Variants in SGCD observed in about 807,000 individuals in gnomAD.
The protein encoded by SGCD is sarcoglycan delta.
SGCD carries 18 observed loss-of-function variants against 36.6 expected under a neutral mutation model. The ratio of observed to expected loss-of-function variants is 0.49; its 90% confidence interval spans 0.34 to 0.73. The LOEUF (loss-of-function observed/expected upper bound fraction) is 0.73. SGCD is among the 30% of genes least tolerant of loss of function. SGCD has a pLI of 0.01. For synonymous variants in SGCD, 133 were observed against 130.6 expected (o/e 1.02, Z -0.12); for missense variants, 387 against 346.7 (o/e 1.12, Z -0.92).
At chr5:156,631,914 T>G (rs1762651215) in intron 6 of SGCD, among the ~76,000 whole-genome samples, 2 of 152,180 alleles carry the variant, frequency 1.3e-5, no homozygotes, top group African/African-American at 4.8e-5. Flanking sequence ...CATAGAAGCC[T>G]CTACCCTGTG....
chr5:156,650,267 G>A (rs1763411043), intron 7 of SGCD, among the ~76,000 whole-genome samples: 2 of 152,100 alleles, frequency 1.3e-5, no homozygotes, highest in Admixed American at 1.3e-4. Flanking sequence ...TGTGTAGTTG[G>A]TTTATTTACT....
At chr5:156,607,001 T>G (rs559846682) in intron 6 of SGCD, among the ~76,000 whole-genome samples, 2 of 152,316 alleles carry the variant, frequency 1.3e-5, no homozygotes, top group Admixed American at 6.5e-5. Flanking sequence ...ACAGGGACAA[T>G]TTGACTTCCT....
intron 1 of SGCD, among the ~76,000 whole-genome samples, chr5:155,951,751 T>C (rs6556145): frequency 0.21 from 31,549 of 152,110 alleles, 3,812 homozygotes; most frequent in Admixed American, 0.38. Context: ...GGGGTGGTGC[T>C]CTGAACTGAA....
the SGCD span, among the ~76,000 whole-genome samples, chr5:155,832,103 A>T: frequency 6.6e-6 from 1 of 152,220 alleles, no homozygotes; most frequent in Non-Finnish European, 1.5e-5. Context: ...ATCTTAAGAT[A>T]TAGTCAATTC....
chr5:155,793,109 G>A, the SGCD span, among the ~76,000 whole-genome samples: 1 of 152,112 alleles, frequency 6.6e-6, no homozygotes, highest in Non-Finnish European at 1.5e-5. Context: ...GGAAACAACA[G>A]GAATGCAGCT....
At chr5:156,563,266 G>A (rs928851416) in intron 4 of SGCD, among the ~76,000 whole-genome samples, 1 of 152,172 alleles carries the variant, frequency 6.6e-6, no homozygotes, top group Non-Finnish European at 1.5e-5. Flanking sequence ...ACAGGCGTGA[G>A]ACACCATGCC....
At chr5:156,107,759 C>A (rs183752001) in intron 1 of SGCD, among the ~76,000 whole-genome samples, 3 of 151,958 alleles carry the variant, frequency 2.0e-5, no homozygotes, top group African/African-American at 7.2e-5. Context: ...TATTTTCTGC[C>A]GTTTATAGAT....
At chr5:156,626,621 T>C (rs1243268287) in intron 6 of SGCD, among the ~76,000 whole-genome samples, 1 of 152,202 alleles carries the variant, frequency 6.6e-6, no homozygotes, top group Non-Finnish European at 1.5e-5. Flanking sequence ...TTGCCTTTCA[T>C]ATAGGATGGA....
intron 7 of SGCD, among the ~76,000 whole-genome samples, chr5:156,736,337 A>C (rs943797744): frequency 6.6e-6 from 1 of 152,192 alleles, no homozygotes; most frequent in African/African-American, 2.4e-5. Flanking sequence ...TAAACTTGAC[A>C]CATCTTCCTG....
chr5:156,593,223 T>A (rs1760792857), intron 5 of SGCD, among the ~76,000 whole-genome samples: 1 of 152,164 alleles, frequency 6.6e-6, no homozygotes, highest in South Asian at 2.1e-4. Flanking sequence ...ATTCATGTCT[T>A]CTGATTCCTA....
chr5:156,758,094 T>A, intron 8 of SGCD: 1 of 794,438 alleles, frequency 1.3e-6, no homozygotes, highest in Non-Finnish European at 1.5e-6. Flanking sequence ...TGTCACATGT[T>A]TCTGTTTTCA....
intron 3 of SGCD, among the ~76,000 whole-genome samples, chr5:156,402,307 A>C (rs1388526928): frequency 6.6e-6 from 1 of 152,220 alleles, no homozygotes; most frequent in African/African-American, 2.4e-5. Flanking sequence ...GACAGTGAGT[A>C]TGAGACCTTG....
At chr5:155,927,421 A>C (rs1757013559) in intron 1 of SGCD, among the ~76,000 whole-genome samples, 1 of 152,114 alleles carries the variant, frequency 6.6e-6, no homozygotes, top group Non-Finnish European at 1.5e-5. Flanking sequence ...ACCATGGAGA[A>C]CCATCTGGTG....
chr5:155,809,281 G>A, the SGCD span, among the ~76,000 whole-genome samples: 1 of 152,190 alleles, frequency 6.6e-6, no homozygotes, highest in East Asian at 1.9e-4. Context: ...TGGGAAATAA[G>A]AATAACACCT....
At chr5:156,155,699 T>C (rs1181433647) in intron 3 of SGCD, among the ~76,000 whole-genome samples, 1 of 151,322 alleles carries the variant, frequency 6.6e-6, no homozygotes, top group East Asian at 1.9e-4. Flanking sequence ...AGCTGCTCTG[T>C]GTCAGTGGGC....
chr5:156,696,848 T>G (rs1244854738), intron 7 of SGCD, among the ~76,000 whole-genome samples: 2 of 151,914 alleles, frequency 1.3e-5, no homozygotes, highest in African/African-American at 2.4e-5. Context: ...GAGTTAAAAT[T>G]GAAGAATCTG....
intron 4 of SGCD, among the ~76,000 whole-genome samples, chr5:156,545,339 G>A (rs1380334169): frequency 1.3e-5 from 2 of 152,196 alleles, no homozygotes; most frequent in Admixed American, 6.5e-5. Context: ...TCCCAGCACT[G>A]CCACTGTTTC....
chr5:156,661,476 G>A (rs1489565192), intron 7 of SGCD, among the ~76,000 whole-genome samples: 3 of 132,154 alleles, frequency 2.3e-5, no homozygotes, highest in African/African-American at 6.0e-5. Context: ...AATATTGATA[G>A]GTTGGTCAAA....
At chr5:155,873,630 A>C (rs1755705101) in intron 1 of SGCD, among the ~76,000 whole-genome samples, 1 of 152,324 alleles carries the variant, frequency 6.6e-6, no homozygotes, top group Non-Finnish European at 1.5e-5. Flanking sequence ...CCAACTTCAC[A>C]GTGTATCCAC....
Sources: gnomAD v4.1 joint callset for allele counts (sites outside exome capture counted in the v4.1 genomes callset) on GRCh38, gnomAD v4.1.1 for gene constraint, MANE v1.5 for transcripts, NCBI Gene and HGNC (gene_info 2026-07-23, HGNC 2026-07-21) for gene names.